Variants in PCDH15 observed in about 807,000 individuals in gnomAD.
The protein encoded by PCDH15 is protocadherin-15.
In PCDH15, 129 loss-of-function variants were observed where a neutral mutation model predicts 178.5. The observed-to-expected ratio is 0.72, with a 90% CI of 0.63 to 0.84. The LOEUF is 0.84. Among genes scored for constraint, PCDH15 ranks in the 40% least tolerant of loss-of-function variants. The probability of loss-of-function intolerance (pLI) is 0.00; values close to 1 mark genes in which losing one functional copy is unlikely to be tolerated. For missense variants in PCDH15, 2,230 were observed against 2,099.9 expected, an observed-to-expected ratio of 1.06 and a Z score of -1.21; for synonymous variants, 800 against 732.0, an observed-to-expected ratio of 1.09 and a Z score of -1.50.
intron 21 of PCDH15, among the ~76,000 whole-genome samples, chr10:53,971,751 A>C (rs2089709572): frequency 6.6e-6 from 1 of 152,320 alleles, no homozygotes; most frequent in South Asian, 2.1e-4. Context: ...GGACCTCTTC[A>C]AGGAGAACTA....
chr10:54,904,351 C>G (rs913298872), intron 2 of PCDH15, among the ~76,000 whole-genome samples: 23 of 151,914 alleles, frequency 1.5e-4, no homozygotes, highest in Non-Finnish European at 7.4e-5. Flanking sequence ...CTCCATCTAA[C>G]TATACAAAGA....
intron 7 of PCDH15, among the ~76,000 whole-genome samples, chr10:54,325,199 G>A (rs1297883405): frequency 6.6e-6 from 1 of 151,884 alleles, no homozygotes; most frequent in Non-Finnish European, 1.5e-5. Flanking sequence ...ATGTAAACAC[G>A]GATAAAAAGA....
chr10:54,708,162 C>T (rs1388795567), intron 1 of PCDH15, among the ~76,000 whole-genome samples: 1 of 152,052 alleles, frequency 6.6e-6, no homozygotes, highest in African/African-American at 2.4e-5. Flanking sequence ...AGGCCAAGAC[C>T]ACGACACAGA....
At chr10:55,446,491 G>A (rs1565148698) in intron 2 of PCDH15, among the ~76,000 whole-genome samples, 1 of 151,912 alleles carries the variant, frequency 6.6e-6, no homozygotes, top group African/African-American at 2.4e-5. Context: ...CCCAAACTGT[G>A]GTATCATAAA....
intron 13 of PCDH15, among the ~76,000 whole-genome samples, chr10:54,163,751 T>C (rs909462531): frequency 2.0e-5 from 3 of 152,130 alleles, no homozygotes; most frequent in Non-Finnish European, 2.9e-5. Flanking sequence ...TAGGGAACAT[T>C]CTTTTTCAAT....
chr10:55,422,376 A>T (rs1222511972), intron 2 of PCDH15, among the ~76,000 whole-genome samples: 1 of 151,894 alleles, frequency 6.6e-6, no homozygotes, highest in East Asian at 1.9e-4. Context: ...GAAACCATCA[A>T]ATATGATTCC....
At chr10:54,873,723 T>C (rs965039791) in intron 3 of PCDH15, among the ~76,000 whole-genome samples, 1 of 146,090 alleles carries the variant, frequency 6.8e-6, no homozygotes, top group Non-Finnish European at 1.5e-5. Context: ...ATATAATATA[T>C]GTGTATGTAT....
At position 55,202,617 on chromosome 10, in the gene PCDH15, G is replaced by A. The variant is rs181235384; in HGVS notation, c.-155-35966C>T. The stretch of plus-strand genomic sequence containing the variant: ...ACAAATGGACACTCTCCTTGTTTGC[G>A]TTCATTTCTTGTCCATGTCACTCTA... On this transcript the variant is annotated intron_variant, in intron 1 of 5. Transcript: ENST00000458638. Among the ~76,000 whole-genome samples the A allele has an allele frequency of 1.4e-4, 21 of 152,180 alleles. No homozygotes were observed. In the East Asian group the frequency reaches 1.7e-3, roughly 13 times the overall value.
intron 1 of PCDH15, among the ~76,000 whole-genome samples, chr10:54,750,841 A>T (rs1176726026): frequency 6.6e-6 from 1 of 152,106 alleles, no homozygotes; most frequent in African/African-American, 2.4e-5. Flanking sequence ...AATATATAAA[A>T]TTCAAAATGT....
intron 2 of PCDH15, among the ~76,000 whole-genome samples, chr10:54,579,900 T>C (rs191091004): frequency 6.6e-6 from 1 of 152,064 alleles, no homozygotes; most frequent in East Asian, 1.9e-4. Context: ...ACAACGATAT[T>C]AAGGAAATTT....
At chr10:54,918,090 A>C (rs1837389026) in intron 2 of PCDH15, among the ~76,000 whole-genome samples, 1 of 150,932 alleles carries the variant, frequency 6.6e-6, no homozygotes, top group African/African-American at 2.4e-5. Context: ...ATCATAACCC[A>C]AACAATAGCT....
chr10:54,861,099 T>C (rs1376968032), intron 3 of PCDH15, among the ~76,000 whole-genome samples: 1 of 152,252 alleles, frequency 6.6e-6, no homozygotes, highest in Non-Finnish European at 1.5e-5. Context: ...AAAATAACTG[T>C]CCTTATACTA....
intron 1 of PCDH15, among the ~76,000 whole-genome samples, chr10:55,234,837 T>C (rs1841330670): frequency 6.6e-6 from 1 of 152,084 alleles, no homozygotes; most frequent in Non-Finnish European, 1.5e-5. Context: ...TAAACATTAG[T>C]ACATCGTTCA....
chr10:55,566,259 T>A (rs940791723), intron 2 of PCDH15, among the ~76,000 whole-genome samples: 5 of 151,614 alleles, frequency 3.3e-5, no homozygotes, highest in Non-Finnish European at 7.4e-5. Flanking sequence ...TTTATACCCT[T>A]TCGTGATTTA....
At chr10:54,507,997 G>T (rs960835236) in intron 3 of PCDH15, among the ~76,000 whole-genome samples, 6 of 151,930 alleles carry the variant, frequency 3.9e-5, no homozygotes, top group Non-Finnish European at 7.4e-5. Flanking sequence ...CTGTATACCA[G>T]AAGCACTGTG....
At chr10:55,356,449 TA>T (rs1256111855) in intron 2 of PCDH15, among the ~76,000 whole-genome samples, 1 of 151,858 alleles carries the variant, frequency 6.6e-6, no homozygotes, top group African/African-American at 2.4e-5. Flanking sequence ...AGGATGGACA[TA>T]AAAAACATGG....
intron 2 of PCDH15, among the ~76,000 whole-genome samples, chr10:55,026,580 T>A (rs1400778409): frequency 1.3e-5 from 2 of 151,830 alleles, no homozygotes; most frequent in Non-Finnish European, 2.9e-5. Flanking sequence ...GGGAGGTAAA[T>A]TAATGTTATG....
intron 3 of PCDH15, among the ~76,000 whole-genome samples, chr10:54,419,701 C>T (rs1001259833): frequency 2.6e-5 from 4 of 152,056 alleles, no homozygotes; most frequent in African/African-American, 9.7e-5. Flanking sequence ...AGTTATTTCT[C>T]CCCAACTATC....
intron 2 of PCDH15, among the ~76,000 whole-genome samples, chr10:54,924,328 C>A (rs1221675641): frequency 1.5e-5 from 2 of 137,678 alleles, no homozygotes; most frequent in East Asian, 2.0e-4. Context: ...GGCCCAGAAC[C>A]AAACCATATC....
Sources: allele counts gnomAD v4.1 joint callset (sites outside exome capture counted in the v4.1 genomes callset), GRCh38; gene constraint gnomAD v4.1.1; transcripts MANE v1.5; gene names NCBI Gene and HGNC (gene_info 2026-07-23, HGNC 2026-07-21).